The following WNT7B variants were observed in gnomAD, a reference collection of about 807,000 sequenced individuals.
The protein encoded by WNT7B is protein Wnt-7b.
In WNT7B, 19 loss-of-function variants were observed where a neutral mutation model predicts 38.2. The observed-to-expected ratio is 0.50, with a 90% CI of 0.35 to 0.73. WNT7B has a LOEUF of 0.73. Among genes scored for constraint, WNT7B ranks in the 30% least tolerant of loss-of-function variants. The pLI, the probability that WNT7B is intolerant of heterozygous loss-of-function variation, is 0.01. For missense variants in WNT7B, 423 were observed against 507.9 expected (o/e 0.83, Z 1.61); for synonymous variants, 243 against 209.3 (o/e 1.16, Z -1.39).
At position 45,957,104 on chromosome 22, in the gene WNT7B, C is replaced by CAAAAAAAAAA. The variant is rs34329899; in HGVS notation, c.72-6968_72-6959dup. Among the ~76,000 whole-genome samples, 19 of 80,698 alleles carry CAAAAAAAAAA rather than the reference C, an allele frequency of 2.4e-4. 1 individual carries two copies. The highest frequency in any genetic ancestry group is 7.8e-4 in the African/African-American group (18 of 22,980). The allele number at this position is 80,698 out of a possible 152,430, so 52.9% of individuals were successfully genotyped here. On this transcript the variant is annotated intron_variant, in intron 1 of 3. Transcript: ENST00000339464. ...CTGGTGACAGAGCGAGACTCTGTCT[C>CAAAAAAAAAA]AAAAAAAAAAAAAAAAAAAAATCCC...
chr22:45,972,675 C>A (rs945646602), intron 1 of WNT7B: 5 of 152,296 alleles, frequency 3.3e-5, no homozygotes, highest in African/African-American at 1.2e-4. Flanking sequence ...CGGTGGGAGC[C>A]GCCTCCAGGG....
chr22:45,927,472 T>G (rs1931124112), intron 3 of WNT7B: 5 of 1,549,892 alleles, frequency 3.2e-6, no homozygotes, highest in South Asian at 2.4e-5. Flanking sequence ...AATTCATGTC[T>G]GCTCAGAGCC....
intron 3 of WNT7B, among the ~76,000 whole-genome samples, chr22:45,928,285 G>A (rs1439957599): frequency 5.3e-5 from 8 of 152,150 alleles, no homozygotes; most frequent in Admixed American, 5.2e-4. Context: ...GCTGGATTCA[G>A]TGCTTATGGA....
At chr22:45,958,840 T>C (rs1932130944) in intron 1 of WNT7B, among the ~76,000 whole-genome samples, 1 of 152,158 alleles carries the variant, frequency 6.6e-6, no homozygotes. Context: ...CCCTCCCATG[T>C]AAGTCAGGGG....
intron 1 of WNT7B, among the ~76,000 whole-genome samples, chr22:45,953,439 C>T (rs1035161904): frequency 6.6e-5 from 10 of 152,222 alleles, no homozygotes; most frequent in Admixed American, 3.3e-4. Flanking sequence ...GCCAGGTCTC[C>T]GGGCTGCCGG....
chr22:45,970,734 C>T (rs556817543), intron 1 of WNT7B, among the ~76,000 whole-genome samples: 1 of 152,038 alleles, frequency 6.6e-6, no homozygotes, highest in African/African-American at 2.4e-5. Flanking sequence ...GGCCTCCAAC[C>T]GCTAGACGCT....
In WNT7B at chr22:45,975,706, G is replaced by A; in HGVS notation, c.71+978C>T. On this transcript the variant is annotated intron_variant, in intron 1 of 3. Transcript: ENST00000339464. This position sits in a 1 kb window ranked among gnomAD's most constrained non-coding sequence, Gnocchi z 6.6. ...CCGCCTTGCCTGTGGCCTGGACGGG[G>A]CTCGCCTCGGGGCAGCCGGCGGCGC... 1.8e-6 allele frequency: 1 copy of A among 542,248 alleles called. No individual in the cohort carries two copies. The highest frequency in any genetic ancestry group is 2.5e-5 in the South Asian group (1 of 40,526). 33.6% of individuals were successfully genotyped at this position (542,248 alleles called of 1,614,324 possible). A position where few individuals can be genotyped will look rare whatever the true frequency, so the allele number is the denominator to read the frequency against.
chr22:45,964,394 C>T (rs932071600), intron 1 of WNT7B, among the ~76,000 whole-genome samples: 6 of 152,124 alleles, frequency 3.9e-5, no homozygotes, highest in African/African-American at 1.2e-4. Context: ...CGCTTCAGCC[C>T]ACAGGAGTGT....
intron 1 of WNT7B, among the ~76,000 whole-genome samples, chr22:45,971,547 C>T (rs1452759662): frequency 6.6e-6 from 1 of 152,194 alleles, no homozygotes; most frequent in Non-Finnish European, 1.5e-5. Context: ...CGAACGCGGC[C>T]GCCAGCACGC....
At chr22:45,930,263 C>T (rs145519531) in intron 3 of WNT7B, among the ~76,000 whole-genome samples, 1 of 152,362 alleles carries the variant, frequency 6.6e-6, no homozygotes, top group Non-Finnish European at 1.5e-5. Flanking sequence ...CAGTGAGTGA[C>T]CAGTGGCCTC....
chr22:45,943,453 C>T (rs1303630404), intron 2 of WNT7B, among the ~76,000 whole-genome samples: 2 of 152,226 alleles, frequency 1.3e-5, no homozygotes, highest in African/African-American at 2.4e-5. Context: ...CCTGGCCTTC[C>T]GGGAGTTTTC....
chr22:45,953,814 T>C (rs1028207194), intron 1 of WNT7B, among the ~76,000 whole-genome samples: 2 of 151,698 alleles, frequency 1.3e-5, no homozygotes, highest in African/African-American at 2.4e-5. Context: ...ACATTGACGA[T>C]AGGAGCGGAC....
Position 45,975,641 on chromosome 22 carries a change from C to T in WNT7B, c.71+1043G>A, listed in dbSNP as rs1932534633. The T allele has an allele frequency of 1.4e-6, 1 of 711,496 alleles. No homozygotes were observed. The highest frequency in any genetic ancestry group is 1.7e-5 in the African/African-American group (1 of 57,234). 44.1% of individuals were successfully genotyped at this position (711,496 alleles called of 1,614,324 possible). The stretch of plus-strand genomic sequence containing the variant: ...TCCGCCTGGGAAGCCGCGTCTCCCA[C>T]CAGTGGTACCTGCACCTGCCCCTCC... On this transcript the variant is annotated intron_variant, in intron 1 of 3. Coordinates refer to ENST00000339464, the MANE Select transcript of WNT7B (RefSeq NM_058238.3). This position sits in a 1 kb window ranked among gnomAD's most constrained non-coding sequence, Gnocchi z 6.6.
rs1214721949 is a variant in WNT7B at position 45,965,671 on chromosome 22, CA to C, written c.71+11012del. On this transcript the variant is annotated intron_variant, in intron 1 of 3. Coordinates refer to ENST00000339464, the MANE Select transcript of WNT7B (RefSeq NM_058238.3). This position sits in a 1 kb window ranked among gnomAD's most constrained non-coding sequence, Gnocchi z 6.5. ...CAGGCTGGTCTCAGAGCTCCTGGGT[CA>C]GGGGCGAAAGCAGGACAAGACCCAG... 2.6e-5 allele frequency among the ~76,000 whole-genome samples: 4 copies of C among 152,194 alleles called. No homozygotes were observed. Among genetic ancestry groups the C allele is most frequent in the Non-Finnish European group, 5.9e-5 (4 of 68,020 alleles).
chr22:45,958,894 C>T (rs775227419), intron 1 of WNT7B, among the ~76,000 whole-genome samples: 1 of 152,126 alleles, frequency 6.6e-6, no homozygotes, highest in Non-Finnish European at 1.5e-5. Flanking sequence ...GTGGGCCTTC[C>T]CTGAGGAGCT....
At chr22:45,942,995 TAGGC>T (rs1931695915) in intron 2 of WNT7B, among the ~76,000 whole-genome samples, 1 of 146,390 alleles carries the variant, frequency 6.8e-6, no homozygotes, top group African/African-American at 2.8e-5. Flanking sequence ...TGCATGTGTG[TAGGC>T]GTGTATGTGT....
Position 45,923,225 on chromosome 22 carries a change from CA to C in WNT7B, c.680del (p.Leu227ArgfsTer2). On this transcript the variant is annotated frameshift_variant, in exon 4 of 4. Coordinates refer to ENST00000339464, the MANE Select transcript of WNT7B (RefSeq NM_058238.3). LOFTEE classifies it high-confidence loss of function. ...CGGCCGCGTTGTACTTCTCCTTCAG[CA>C]GGTGGCCCACCTCTCGGAACTTGGG... The part of the protein sequence containing the change: ...TLPKFREVGH[L>X]LKEKYNAAVQ... 1 of 1,613,238 alleles carries C rather than the reference CA, an allele frequency of 6.2e-7. No individual in the cohort carries two copies. The highest frequency in any genetic ancestry group is 1.1e-5 in the South Asian group (1 of 91,080).
chr22:45,967,308 G>T (rs945859231), intron 1 of WNT7B, among the ~76,000 whole-genome samples: 1 of 152,144 alleles, frequency 6.6e-6, no homozygotes, highest in African/African-American at 2.4e-5. Context: ...TGGGAGGGGA[G>T]CTGAGCCCCA....
intron 1 of WNT7B, among the ~76,000 whole-genome samples, chr22:45,974,927 G>A (rs947644211): frequency 4.6e-5 from 7 of 152,130 alleles, no homozygotes; most frequent in Non-Finnish European, 1.0e-4. Context: ...AGCCGGGCTA[G>A]GGTGGACCGT....
Sources: allele counts gnomAD v4.1 joint callset (sites outside exome capture counted in the v4.1 genomes callset), GRCh38; gene constraint gnomAD v4.1.1; non-coding constraint Gnocchi (gnomAD v3.1); transcripts MANE v1.5; gene names NCBI Gene and HGNC (gene_info 2026-07-23, HGNC 2026-07-21).